The following TNFAIP8L1 variants were observed in gnomAD, a reference collection of about 807,000 sequenced individuals.
The protein encoded by TNFAIP8L1 is TNF alpha induced protein 8 like 1.
For missense variants in TNFAIP8L1, 225 were observed against 266.1 expected (o/e 0.85, Z 1.08); for synonymous variants, 127 against 125.6 (o/e 1.01, Z -0.08).
intron 1 of TNFAIP8L1, among the ~76,000 whole-genome samples, chr19:4,646,070 G>A (rs770525291): frequency 8.5e-5 from 13 of 152,060 alleles, no homozygotes; most frequent in South Asian, 6.2e-4. Context: ...CCCCACCCCC[G>A]TGGCCCATAT....
intron 1 of TNFAIP8L1, among the ~76,000 whole-genome samples, chr19:4,648,582 C>T (rs2088333151): frequency 6.6e-6 from 1 of 152,258 alleles, no homozygotes; most frequent in Non-Finnish European, 1.5e-5. Flanking sequence ...CCCCATCCCT[C>T]TTCCTGTTGG....
Position 4,652,810 on chromosome 19 carries a change from C to G in TNFAIP8L1, c.*380C>G, listed in dbSNP as rs1060555. On this transcript the variant is annotated 3_prime_UTR_variant, in exon 2 of 2. Coordinates refer to ENST00000327473, the MANE Select transcript of TNFAIP8L1 (RefSeq NM_152362.3). ...ATTTTCATCCCTCGCACAAGGACTACGGGTTCACACGGTGAACTGGGGGAA... is the reference window on the plus strand; with the variant it reads ...ATTTTCATCCCTCGCACAAGGACTAGGGGTTCACACGGTGAACTGGGGGAA... 0.31 allele frequency: 72,692 copies of G among 232,712 alleles called. 13,327 individuals carry two copies. The highest frequency in any genetic ancestry group is 0.57 in the African/African-American group (25,026 of 43,778). The allele number at this position is 232,712 out of a possible 1,614,324, so 14.4% of individuals were successfully genotyped here.
rs74173015 is a variant in TNFAIP8L1, at chr19:4,653,769, CAAAAAAAAAAAAAA to C, written c.*1354_*1367del. 1.2e-4 allele frequency: 5 copies of C among 41,170 alleles called. No homozygotes were observed. In the Admixed American group the frequency reaches 1.2e-3, roughly 10 times the overall value. The allele number at this position is 41,170 out of a possible 1,614,324, so 2.6% of individuals were successfully genotyped here. A position where few individuals can be genotyped will look rare whatever the true frequency, so the allele number is the denominator to read the frequency against. On this transcript the variant is annotated 3_prime_UTR_variant, in exon 2 of 2. Coordinates refer to ENST00000327473, the MANE Select transcript of TNFAIP8L1 (RefSeq NM_152362.3). ...CCTGGTGACAGAGCGAGACTCGTCTCAAAAAAAAAAAAAAAAAAAAAAAAAAAAGTGACTGTGGT... is the reference window on the plus strand; with the variant it reads ...CCTGGTGACAGAGCGAGACTCGTCTCAAAAAAAAAAAAAAGTGACTGTGGT...
Position 4,642,750 on chromosome 19 carries a change from G to A in TNFAIP8L1, c.-4+3121G>A, listed in dbSNP as rs542668330. 2.0e-4 allele frequency among the ~76,000 whole-genome samples: 29 copies of A among 146,438 alleles called. 1 individual carries two copies. The South Asian group carries it at 6.5e-3, about 33-fold the overall frequency. The stretch of plus-strand genomic sequence containing the variant: ...GAGGAGGAGGAGAGAGGGAGGAGGG[G>A]AGGGCAGGGAGGGGACAGGGCAGGG... On this transcript the variant is annotated intron_variant, in intron 1 of 1. Transcript: ENST00000327473.
chr19:4,648,284 G>T (rs73535605), intron 1 of TNFAIP8L1, among the ~76,000 whole-genome samples: 8,583 of 152,264 alleles, frequency 0.056, 803 homozygotes, highest in African/African-American at 0.2. Context: ...TAGGCCCCAG[G>T]CAGTCCCTAG....
rs773325282 is a variant in TNFAIP8L1 at position 4,651,923 on chromosome 19, G to T, written c.54G>T (p.Leu18=). 39 of 1,613,464 alleles carry T rather than the reference G, an allele frequency of 2.4e-5. No homozygotes were observed. The South Asian group carries it at 4.3e-4, about 18-fold the overall frequency. ...SLALQAQKKL[L]SKMASKAVVA... ...CTCTGCAGGCGCAGAAGAAGCTCCT[G>T]AGTAAGATGGCGTCCAAGGCAGTGG... The change falls in exon 2 of 2, where the codon CTG becomes CTT. Residue 18 remains leucine (L), a synonymous_variant. Transcript: ENST00000327473.
rs1011935208 is a variant in TNFAIP8L1, at chr19:4,654,224, G to A, written c.*1794G>A. ...GCCAGGATGCCTCCGTGAAGCTGGA[G>A]ACCTCTGCCCTGGGTCGGGAGGGGA... is the stretch of plus-strand genomic sequence containing the variant. On this transcript the variant is annotated 3_prime_UTR_variant, in exon 2 of 2. Coordinates refer to ENST00000327473, the MANE Select transcript of TNFAIP8L1 (RefSeq NM_152362.3). The A allele has an allele frequency of 1.3e-5, 2 of 152,288 alleles. No homozygotes were observed. The highest frequency in any genetic ancestry group is 4.8e-5 in the African/African-American group (2 of 41,472). 9.4% of individuals were successfully genotyped at this position (152,288 alleles called of 1,614,324 possible). A position where few individuals can be genotyped will look rare whatever the true frequency, so the allele number is the denominator to read the frequency against.
At chr19:4,651,257 G>A (rs10426502) in intron 1 of TNFAIP8L1, among the ~76,000 whole-genome samples, 10,178 of 151,908 alleles carry the variant, frequency 0.067, 396 homozygotes, top group African/African-American at 0.1. Flanking sequence ...TTTGAGGGCT[G>A]GCATCAGACC....
At chr19:4,642,911 G>A (rs963712239) in intron 1 of TNFAIP8L1, among the ~76,000 whole-genome samples, 1 of 152,118 alleles carries the variant, frequency 6.6e-6, no homozygotes, top group Admixed American at 6.6e-5. Flanking sequence ...GCTACAGGGA[G>A]GACAGACGGG....
chr19:4,653,180 C>G lies in TNFAIP8L1; in HGVS notation c.*750C>G, dbSNP rs1486500480. 6.0e-6 allele frequency: 1 copy of G among 166,762 alleles called. No homozygotes were observed. Among genetic ancestry groups the G allele is most frequent in the Non-Finnish European group, 1.5e-5 (1 of 68,242 alleles). The allele number at this position is 166,762 out of a possible 1,614,324, so 10.3% of individuals were successfully genotyped here. On this transcript the variant is annotated 3_prime_UTR_variant, in exon 2 of 2. Coordinates refer to ENST00000327473, the MANE Select transcript of TNFAIP8L1 (RefSeq NM_152362.3). Reference sequence around the variant, plus strand: ...ATTAGCTGGGCATGGTGGCACATGCCTGTAGTCCCAGCTACTCGGGAGGCT... The same window carrying G: ...ATTAGCTGGGCATGGTGGCACATGCGTGTAGTCCCAGCTACTCGGGAGGCT...
chr19:4,641,037 G>GT lies in TNFAIP8L1; in HGVS notation c.-4+1408_-4+1409insT, dbSNP rs1240331752. 6.8e-6 allele frequency: 1 copy of GT among 146,278 alleles called. No individual in the cohort carries two copies. Among genetic ancestry groups the GT allele is most frequent in the Non-Finnish European group, 1.5e-5 (1 of 67,910 alleles). The allele number at this position is 146,278 out of a possible 1,614,324, so 9.1% of individuals were successfully genotyped here. A position where few individuals can be genotyped will look rare whatever the true frequency, so the allele number is the denominator to read the frequency against. The stretch of plus-strand genomic sequence containing the variant: ...GACCCCTGCAGGGAATATGGGGCCG[G>GT]GGGGGGGACTTGAACCCTGCTCCAA... On this transcript the variant is annotated intron_variant, in intron 1 of 1. Coordinates refer to ENST00000327473, the MANE Select transcript of TNFAIP8L1 (RefSeq NM_152362.3). This position sits in a 1 kb window ranked among gnomAD's most constrained non-coding sequence, Gnocchi z 4.6.
At chr19:4,649,217 A>G (rs1555705642) in intron 1 of TNFAIP8L1, among the ~76,000 whole-genome samples, 1 of 148,438 alleles carries the variant, frequency 6.7e-6, no homozygotes, top group Non-Finnish European at 1.5e-5. Flanking sequence ...GGTGTGAGCC[A>G]CCGCGCCCGG....
At chr19:4,646,189 C>T (rs2088309348) in intron 1 of TNFAIP8L1, among the ~76,000 whole-genome samples, 1 of 152,056 alleles carries the variant, frequency 6.6e-6, no homozygotes, top group African/African-American at 2.4e-5. Context: ...GTGGAACAAT[C>T]TCGACTCCCT....
intron 1 of TNFAIP8L1, among the ~76,000 whole-genome samples, chr19:4,646,671 C>T (rs1246232908): frequency 9.2e-5 from 14 of 151,696 alleles, no homozygotes; most frequent in Admixed American, 8.5e-4. Flanking sequence ...CGCTCTGTCA[C>T]CCAGGCTGGA....
chr19:4,646,145 AG>A (rs2088308716), intron 1 of TNFAIP8L1, among the ~76,000 whole-genome samples: 1 of 151,976 alleles, frequency 6.6e-6, no homozygotes, highest in Non-Finnish European at 1.5e-5. Context: ...TCCTTCCAGC[AG>A]GGGAACAGTT....
At chr19:4,644,316 G>A (rs1004371983) in intron 1 of TNFAIP8L1, among the ~76,000 whole-genome samples, 2 of 151,466 alleles carry the variant, frequency 1.3e-5, no homozygotes, top group East Asian at 3.9e-4. Context: ...AAGGCGGGAG[G>A]ATCACTTGAG....
At chr19:4,648,653 C>T (rs10419842) in intron 1 of TNFAIP8L1, among the ~76,000 whole-genome samples, 8,577 of 152,250 alleles carry the variant, frequency 0.056, 801 homozygotes, top group African/African-American at 0.2. Context: ...TGTAAACAGG[C>T]CTGACTCCCG....
At chr19:4,642,901 G>C (rs2088275217) in intron 1 of TNFAIP8L1, among the ~76,000 whole-genome samples, 2 of 152,102 alleles carry the variant, frequency 1.3e-5, no homozygotes, top group South Asian at 2.1e-4. Context: ...CCCATTGGCT[G>C]CTACAGGGAG....
rs138423907 is a variant in TNFAIP8L1, at chr19:4,652,103, G to A, written c.234G>A (p.Gln78=). ...LKLGLLLRGD[Q]LGGEELALLR... Reference sequence around the variant, plus strand: ...TGGGACTGCTGCTGCGTGGGGACCAGCTGGGCGGTGAGGAGCTGGCGCTGC... The same window carrying A: ...TGGGACTGCTGCTGCGTGGGGACCAACTGGGCGGTGAGGAGCTGGCGCTGC... The change falls in exon 2 of 2, where the codon CAG becomes CAA. Residue 78 remains glutamine (Q), a synonymous_variant. Transcript: ENST00000327473. 17 of 1,594,688 alleles carry A rather than the reference G, an allele frequency of 1.1e-5. No homozygotes were observed. The African/African-American group carries it at 1.9e-4, about 18-fold the overall frequency.
Sources: allele counts gnomAD v4.1 joint callset (sites outside exome capture counted in the v4.1 genomes callset), GRCh38; gene constraint gnomAD v4.1.1; non-coding constraint Gnocchi (gnomAD v3.1); transcripts MANE v1.5; gene names NCBI Gene and HGNC (gene_info 2026-07-23, HGNC 2026-07-21).